Variants in CDH12 observed in about 807,000 individuals in gnomAD.
CDH12 encodes the protein cadherin 12, also known as cadherin-12.
In CDH12, 41 loss-of-function variants were observed where a neutral mutation model predicts 74.1. The ratio of observed to expected loss-of-function variants is 0.55; its 90% CI spans 0.43 to 0.72. The LOEUF (loss-of-function observed/expected upper bound fraction) is 0.72. Among genes scored for constraint, CDH12 ranks in the 30% least tolerant of loss-of-function variants. The probability of loss-of-function intolerance (pLI) is 0.00; values close to 1 mark genes in which losing one functional copy is unlikely to be tolerated. For synonymous variants in CDH12, 399 were observed against 355.0 expected (o/e 1.12, Z -1.39); for missense variants, 945 against 977.2 (o/e 0.97, Z 0.44).
rs865946753 is a variant in CDH12, at chr5:21,882,781, T to C, written c.527-27991A>G. 1.1e-4 allele frequency: 170 copies of C among 1,590,714 alleles called. 2 individuals carry two copies. In the African/African-American group the frequency reaches 1.6e-3, roughly 15 times the overall value. ...GAGCCAAAGGGAAGAACAGTGATTA[T>C]TGAGCAGAGCTGGGGAAGTCCCAAC... is the stretch of plus-strand genomic sequence containing the variant. On this transcript the variant is annotated intron_variant, in intron 6 of 14. Transcript: ENST00000382254.
At chr5:21,888,636 C>T (rs1006409139) in intron 6 of CDH12, among the ~76,000 whole-genome samples, 3 of 151,944 alleles carry the variant, frequency 2.0e-5, no homozygotes, top group Admixed American at 2.0e-4. Context: ...AATTTAAAAT[C>T]ACTCACAATT....
At chr5:22,394,820 T>C (rs1580602931) in intron 3 of CDH12, among the ~76,000 whole-genome samples, 1 of 152,270 alleles carries the variant, frequency 6.6e-6, no homozygotes, top group East Asian at 1.9e-4. Context: ...CAAAGTCTCA[T>C]GCATATCTAA....
chr5:22,461,261 C>G (rs1459005114), intron 2 of CDH12, among the ~76,000 whole-genome samples: 1 of 151,782 alleles, frequency 6.6e-6, no homozygotes, highest in African/African-American at 2.4e-5. Context: ...CTCCTGACCT[C>G]AAGTCATTCA....
chr5:22,187,083 C>T (rs1244418741), intron 4 of CDH12, among the ~76,000 whole-genome samples: 2 of 151,856 alleles, frequency 1.3e-5, no homozygotes, highest in Non-Finnish European at 2.9e-5. Context: ...AGAAAGGAAA[C>T]ACATATACAA....
intron 1 of CDH12, among the ~76,000 whole-genome samples, chr5:22,542,816 A>G (rs1209217405): frequency 6.6e-6 from 1 of 152,276 alleles, no homozygotes; most frequent in East Asian, 1.9e-4. Context: ...CAAAGCGTAT[A>G]TGGAATGCAC....
intron 3 of CDH12, among the ~76,000 whole-genome samples, chr5:22,250,438 A>G (rs1753098874): frequency 6.6e-6 from 1 of 152,142 alleles, no homozygotes; most frequent in Admixed American, 6.6e-5. Context: ...GAATCCCTAC[A>G]GGTGGATGCT....
chr5:21,889,073 AT>A (rs1346085924), intron 6 of CDH12, among the ~76,000 whole-genome samples: 1 of 152,102 alleles, frequency 6.6e-6, no homozygotes, highest in African/African-American at 2.4e-5. Flanking sequence ...AAAATAATAT[AT>A]TTTAGGTGCT....
At chr5:21,764,454 C>G (rs1391012822) in intron 12 of CDH12, among the ~76,000 whole-genome samples, 1 of 150,168 alleles carries the variant, frequency 6.7e-6, no homozygotes. Flanking sequence ...TCGAGTCCAG[C>G]CTGGCTAACA....
intron 6 of CDH12, among the ~76,000 whole-genome samples, chr5:21,860,744 C>A (rs1370187141): frequency 6.6e-6 from 1 of 152,010 alleles, no homozygotes; most frequent in East Asian, 1.9e-4. Flanking sequence ...CTTTTGGACT[C>A]TTGGACATAC....
chr5:22,310,511 A>T (rs1738342926), intron 3 of CDH12, among the ~76,000 whole-genome samples: 1 of 152,014 alleles, frequency 6.6e-6, no homozygotes. Context: ...CATTATAATT[A>T]TATAGGGGCT....
rs535714462 is a variant in CDH12, at chr5:21,881,567, A to C, written c.527-26777T>G. ...AAGCTGTTTTATTTTGTTTGTTTGG[A>C]CATTCTTGGCACAACATATTTTTTC... is the stretch of plus-strand genomic sequence containing the variant. On this transcript the variant is annotated intron_variant, in intron 6 of 14. Transcript: ENST00000382254. Among the ~76,000 whole-genome samples, 6 of 152,286 alleles carry C rather than the reference A, an allele frequency of 3.9e-5. No homozygotes were observed. The South Asian group carries it at 1.0e-3, about 26-fold the overall frequency.
chr5:22,636,696 C>T (rs962126805), intron 1 of CDH12, among the ~76,000 whole-genome samples: 3 of 152,152 alleles, frequency 2.0e-5, no homozygotes, highest in Non-Finnish European at 1.5e-5. Flanking sequence ...CTAATGGTTA[C>T]TTTGGCAGAG....
intron 1 of CDH12, among the ~76,000 whole-genome samples, chr5:22,753,559 T>C (rs775014871): frequency 6.8e-6 from 1 of 145,996 alleles, no homozygotes; most frequent in Non-Finnish European, 1.5e-5. Context: ...TAGTATGCTT[T>C]GAAAGAAAAA....
chr5:22,084,766 C>T (rs1742958437), intron 4 of CDH12, among the ~76,000 whole-genome samples: 1 of 152,050 alleles, frequency 6.6e-6, no homozygotes, highest in African/African-American at 2.4e-5. Context: ...TGCTATATCA[C>T]AACAATAATA....
chr5:22,211,631 A>G (rs1402458750), intron 4 of CDH12, among the ~76,000 whole-genome samples: 1 of 151,954 alleles, frequency 6.6e-6, no homozygotes, highest in Non-Finnish European at 1.5e-5. Context: ...TAACAAGCTT[A>G]CAAGAAAATG....
rs1744349411 is a variant in CDH12, at chr5:21,755,671, T to G, written c.1805A>C (p.Asn602Thr). ...TACAGGTAGAAAAATTGCTTCCACA[T>G]TACAAGACAGGATGGTGCCATCAGA... Reference protein sequence around the residue: ...CDSDGTILSCNVEAIFLPVGL... With the variant: ...CDSDGTILSCTVEAIFLPVGL... The change falls in exon 14 of 15, where the codon AAT becomes ACT. Residue 602 changes from asparagine (N) to threonine (T), a missense_variant. Physicochemically the swap from Asn to Thr is moderately conservative, Grantham distance 65. This residue lies in a region of CDH12 where 791 missense variants were observed against 792.8 expected (regional missense o/e 1.00). Transcript: ENST00000382254. The G allele has an allele frequency of 6.2e-7, 1 of 1,613,992 alleles. No homozygotes were observed. Among genetic ancestry groups the G allele is most frequent in the African/African-American group, 1.3e-5 (1 of 74,926 alleles).
At chr5:21,972,669 A>G (rs1379272165) in intron 6 of CDH12, among the ~76,000 whole-genome samples, 2 of 152,150 alleles carry the variant, frequency 1.3e-5, no homozygotes, top group East Asian at 3.9e-4. Context: ...AGCAGATACC[A>G]CAACTATAAT....
At position 22,577,478 on chromosome 5, in the gene CDH12, T is replaced by C. The variant is rs1385584257; in HGVS notation, c.-522-72114A>G. Reference sequence around the variant, plus strand: ...ATTATAAGGGCTTAATTTAAAGTCATCTCAGTCAAGTAAATTAACATATTC... The same window carrying C: ...ATTATAAGGGCTTAATTTAAAGTCACCTCAGTCAAGTAAATTAACATATTC... On this transcript the variant is annotated intron_variant, in intron 1 of 14. Coordinates refer to ENST00000382254, the MANE Select transcript of CDH12 (RefSeq NM_004061.5). Among the ~76,000 whole-genome samples the C allele has an allele frequency of 2.0e-5, 3 of 152,190 alleles. No individual in the cohort carries two copies. In the East Asian group the frequency reaches 5.8e-4, roughly 29 times the overall value.
intron 1 of CDH12, among the ~76,000 whole-genome samples, chr5:22,587,861 T>C (rs1740487169): frequency 6.7e-6 from 1 of 149,510 alleles, no homozygotes; most frequent in Admixed American, 6.7e-5. Context: ...TATATATATA[T>C]ATACATATAT....
Sources: allele counts gnomAD v4.1 joint callset (sites outside exome capture counted in the v4.1 genomes callset), GRCh38; gene constraint gnomAD v4.1.1; regional missense constraint gnomAD v4.1.1; transcripts MANE v1.5; gene names NCBI Gene and HGNC (gene_info 2026-07-23, HGNC 2026-07-21).